Variants in CALM2 observed in about 807,000 individuals in gnomAD.
CALM2 encodes the protein calmodulin 2, also known as calmodulin-2.
In CALM2, 2 loss-of-function variants were observed where a neutral mutation model predicts 19.8. The observed-to-expected ratio is 0.10, with a 90% confidence interval of 0.04 to 0.32. The LOEUF (loss-of-function observed/expected upper bound fraction) is 0.32, where lower values mean the gene tolerates loss of function less well. Ranked by LOEUF, CALM2 falls within the 10% of genes least tolerant of loss-of-function variation. The pLI, the probability that CALM2 is intolerant of heterozygous loss-of-function variation, is 1.00. For synonymous variants in CALM2, 51 were observed against 52.1 expected (o/e 0.98, Z 0.09); for missense variants, 38 against 178.7 (o/e 0.21, Z 4.49).
At chr2:47,166,862 T>C (rs56272864) in intron 2 of CALM2, among the ~76,000 whole-genome samples, 91 of 152,292 alleles carry the variant, frequency 6.0e-4, no homozygotes, top group Admixed American at 9.1e-4. Flanking sequence ...TTCTACATAA[T>C]TGATAGATAT....
At chr2:47,163,924 C>G (rs2103828577) in intron 2 of CALM2, 1 of 152,264 alleles carries the variant, frequency 6.6e-6, no homozygotes, top group East Asian at 2.0e-4. Flanking sequence ...AGTTCCAGAC[C>G]AGCCTGAACA....
intron 2 of CALM2, among the ~76,000 whole-genome samples, chr2:47,166,322 G>T (rs1329590799): frequency 6.6e-6 from 1 of 152,116 alleles, no homozygotes; most frequent in Non-Finnish European, 1.5e-5. Flanking sequence ...TCTGCTATGG[G>T]TATCTTTTAA....
chr2:47,176,531 C>A (rs752513204), upstream of CALM2: 4 of 1,584,864 alleles, frequency 2.5e-6, no homozygotes, highest in East Asian at 2.4e-5. Flanking sequence ...CCTCCGCCCC[C>A]AGCGCCTCAT....
At chr2:47,167,427 C>T (rs1666511457) in intron 2 of CALM2, 2 of 153,276 alleles carry the variant, frequency 1.3e-5, no homozygotes, top group Non-Finnish European at 2.9e-5. Context: ...GGAGCAGTGG[C>T]TCATGCCTGT....
chr2:47,172,320 T>C (rs941273483), intron 1 of CALM2: 3 of 424,846 alleles, frequency 7.1e-6, no homozygotes, highest in Non-Finnish European at 1.4e-5. Flanking sequence ...CAGGCCAGTA[T>C]CCCAGCCCTG....
At position 47,175,087 on chromosome 2, in the gene CALM2, T is replaced by TTTTTTTG. The variant is rs1372459734; in HGVS notation, c.3+1353_3+1354insCAAAAAA. 2.4e-4 allele frequency among the ~76,000 whole-genome samples: 31 copies of TTTTTTTG among 131,724 alleles called. 1 individual carries two copies. The highest frequency in any genetic ancestry group is 3.2e-4 in the Non-Finnish European group (21 of 66,032). 86.4% of individuals were successfully genotyped at this position (131,724 alleles called of 152,430 possible). On this transcript the variant is annotated intron_variant, in intron 1 of 5. Transcript: ENST00000272298. ...ATCACCGCCCTCATTAGGTGTTTTT[T>TTTTTTTG]TTTTTTTTTTTCAGGAAAGAACATG...
chr2:47,176,196 T>C, intron 1 of CALM2: 1 of 522,846 alleles, frequency 1.9e-6, no homozygotes, highest in African/African-American at 1.9e-5. Flanking sequence ...CCCGAGGAGC[T>C]TCACCACCTC....
intron 1 of CALM2, 92 bp downstream of exon 1, chr2:47,176,349 G>C (rs898838822): frequency 9.2e-5 from 137 of 1,489,166 alleles, no homozygotes; most frequent in Non-Finnish European, 1.1e-4. Context: ...CTCCTTGAAG[G>C]TGTAAGGGAG....
intron 1 of CALM2, among the ~76,000 whole-genome samples, chr2:47,175,857 T>TCGGCCCACACAGCGCGCCGCCCGC (rs1666844437): frequency 6.8e-6 from 1 of 147,438 alleles, no homozygotes; most frequent in African/African-American, 2.5e-5. Context: ...CCGCGCGGGC[T>TCGGCCCACACAGCGCGCCGCCCGC]CGGCCCACAC....
rs112786165 is a variant in CALM2, at chr2:47,162,626, C to G, written c.71G>C (p.Gly24Ala). Reference protein sequence around the residue: ...KEAFSLFDKDGDGTITTKELG... With the variant: ...KEAFSLFDKDADGTITTKELG... ...TTCCTTTGTTGTTATAGTTCCATCA[C>G]CATCTTTGTCAAATAGTGAAAAAGC... The change falls in exon 3 of 6, where the codon GGT (glycine) becomes GCT (alanine). Residue 24 changes from glycine to alanine, a missense_variant. Physicochemically the swap from Gly to Ala is moderately conservative, Grantham distance 60. Coordinates refer to ENST00000272298, the MANE Select transcript of CALM2 (RefSeq NM_001743.6). 1 of 1,608,598 alleles carries G rather than the reference C, an allele frequency of 6.2e-7. No individual in the cohort carries two copies. Among genetic ancestry groups the G allele is most frequent in the Non-Finnish European group, 8.5e-7 (1 of 1,177,388 alleles).
intron 2 of CALM2, among the ~76,000 whole-genome samples, chr2:47,164,690 G>GT (rs1473878972): frequency 1.3e-5 from 2 of 152,010 alleles, no homozygotes; most frequent in East Asian, 3.8e-4. Flanking sequence ...TATTTTCCAA[G>GT]TAAGTCATTT....
intron 2 of CALM2, among the ~76,000 whole-genome samples, chr2:47,167,189 T>A (rs1380044066): frequency 6.6e-6 from 1 of 152,192 alleles, no homozygotes; most frequent in Admixed American, 6.5e-5. Flanking sequence ...CATTGAGTAA[T>A]ATTAATATTT....
intron 1 of CALM2, chr2:47,176,193 A>C: frequency 3.9e-6 from 2 of 510,002 alleles, no homozygotes; most frequent in Non-Finnish European, 7.0e-6. Flanking sequence ...GCCCCCGAGG[A>C]GCTTCACCAC....
rs1031948693 is a variant in CALM2, at chr2:47,172,220, T to A, written c.4-1456A>T. 3 of 305,886 alleles carry A rather than the reference T, an allele frequency of 9.8e-6. No individual in the cohort carries two copies. The East Asian group carries it at 2.6e-4, about 26-fold the overall frequency. 18.9% of individuals were successfully genotyped at this position (305,886 alleles called of 1,614,324 possible). ...TTAATAGAAGCTACATTACTTCAGT[T>A]TATTGCATTTTGCAGGACTTCCACC... On this transcript the variant is annotated intron_variant, in intron 1 of 5. Transcript: ENST00000272298.
intron 2 of CALM2, among the ~76,000 whole-genome samples, chr2:47,165,671 T>C (rs935908421): frequency 1.9e-4 from 29 of 152,200 alleles, no homozygotes; most frequent in African/African-American, 7.0e-4. Flanking sequence ...GGCCACTTCA[T>C]CTATACCCAC....
chr2:47,164,029 A>G (rs1666361016), intron 2 of CALM2: 1 of 151,674 alleles, frequency 6.6e-6, no homozygotes, highest in Non-Finnish European at 1.5e-5. Context: ...TGAGGTCAGG[A>G]GATCGAGACC....
chr2:47,168,667 T>C (rs1373604171), intron 2 of CALM2, among the ~76,000 whole-genome samples: 2 of 152,070 alleles, frequency 1.3e-5, no homozygotes, highest in East Asian at 1.9e-4. Context: ...GAGACAGAAG[T>C]TGAGCCACTG....
chr2:47,175,566 C>A (rs1490339398), intron 1 of CALM2, among the ~76,000 whole-genome samples: 1 of 152,174 alleles, frequency 6.6e-6, no homozygotes, highest in Non-Finnish European at 1.5e-5. Flanking sequence ...ACGACAGACA[C>A]TTTAAAAAGC....
chr2:47,172,381 C>G, intron 1 of CALM2: 1 of 568,362 alleles, frequency 1.8e-6, no homozygotes, highest in South Asian at 1.5e-5. Context: ...TCTCAGTCAA[C>G]TTCATTTGTA....
Sources: allele counts gnomAD v4.1 joint callset (sites outside exome capture counted in the v4.1 genomes callset), GRCh38; gene constraint gnomAD v4.1.1; transcripts MANE v1.5; gene names NCBI Gene and HGNC (gene_info 2026-07-23, HGNC 2026-07-21).